The following RBFOX3 variants were observed in gnomAD, a reference collection of about 807,000 sequenced individuals.
RBFOX3 encodes the protein RNA binding protein fox-1 homolog 3.
In RBFOX3, 17 loss-of-function variants were observed where a neutral mutation model predicts 48.7. The ratio of observed to expected loss-of-function variants is 0.35; its 90% CI spans 0.24 to 0.52. The LOEUF is 0.52. Ranked by LOEUF, RBFOX3 falls within the 20% of genes least tolerant of loss-of-function variation. The pLI is 0.94. For missense variants in RBFOX3, 382 were observed against 497.5 expected (o/e 0.77, Z 2.21); for synonymous variants, 212 against 209.5 (o/e 1.01, Z -0.10).
At chr17:79,305,961 G>A (rs988801643) in intron 3 of RBFOX3, among the ~76,000 whole-genome samples, 3 of 152,206 alleles carry the variant, frequency 2.0e-5, no homozygotes, top group Non-Finnish European at 2.9e-5. Context: ...GATGGAGGCT[G>A]CCCAGACTCT....
intron 2 of RBFOX3, among the ~76,000 whole-genome samples, chr17:79,341,784 G>A (rs181738482): frequency 2.0e-4 from 30 of 152,286 alleles, no homozygotes; most frequent in African/African-American, 6.5e-4. Flanking sequence ...GAGGAGTGGC[G>A]AGCCTGTCTG....
rs1599477874 is a variant in RBFOX3, at chr17:79,111,893, G to A, written c.222+3601C>T. 6.6e-6 allele frequency among the ~76,000 whole-genome samples: 1 copy of A among 152,212 alleles called. No homozygotes were observed. Among genetic ancestry groups the A allele is most frequent in the Non-Finnish European group, 1.5e-5 (1 of 68,038 alleles). The stretch of plus-strand genomic sequence containing the variant: ...TCAAGGTAGTGAGATGGGGTCCCCC[G>A]GTCCTTCCGCAGCCCCTCATCGCAC... On this transcript the variant is annotated intron_variant, in intron 5 of 14. Coordinates refer to ENST00000693108, the MANE Select transcript of RBFOX3 (RefSeq NM_001350451.2). This position sits in a 1 kb window ranked among gnomAD's most constrained non-coding sequence, Gnocchi z 4.2.
chr17:79,157,585 G>A (rs2046105199), intron 4 of RBFOX3, among the ~76,000 whole-genome samples: 1 of 152,166 alleles, frequency 6.6e-6, no homozygotes, highest in East Asian at 1.9e-4. Flanking sequence ...TACAGGGGCC[G>A]GGTTTCCCTA....
intron 4 of RBFOX3, among the ~76,000 whole-genome samples, chr17:79,164,641 C>T (rs772762399): frequency 3.9e-5 from 6 of 152,208 alleles, no homozygotes; most frequent in Non-Finnish European, 2.9e-5. Context: ...CAAAAGTGCA[C>T]GCATTCCTCG....
chr17:79,621,359 TG>T, the RBFOX3 span, among the ~76,000 whole-genome samples: 56 of 152,280 alleles, frequency 3.7e-4, no homozygotes, highest in African/African-American at 1.2e-3. Context: ...TGATCCAAGC[TG>T]GGGGAAACCG....
intron 3 of RBFOX3, among the ~76,000 whole-genome samples, chr17:79,281,373 G>C (rs974074621): frequency 2.0e-5 from 3 of 151,688 alleles, no homozygotes; most frequent in Non-Finnish European, 4.4e-5. Context: ...GGTTAGCTTA[G>C]AGAAGACTAT....
chr17:79,181,882 T>A lies in RBFOX3; in HGVS notation c.-34+53884A>T, dbSNP rs193117215. Among the ~76,000 whole-genome samples, 29 of 152,102 alleles carry A rather than the reference T, an allele frequency of 1.9e-4. No individual in the cohort carries two copies. In the East Asian group the frequency reaches 3.3e-3, roughly 17 times the overall value. ...CCTTAAACCACCTTCTATAGCTCCTTGGAGGGCCAAGGGGCACAAACGGGT... is the reference window on the plus strand; with the variant it reads ...CCTTAAACCACCTTCTATAGCTCCTAGGAGGGCCAAGGGGCACAAACGGGT... On this transcript the variant is annotated intron_variant, in intron 4 of 14. Coordinates refer to ENST00000693108, the MANE Select transcript of RBFOX3 (RefSeq NM_001350451.2).
chr17:79,550,391 G>C (rs1244912137), intron 1 of RBFOX3, among the ~76,000 whole-genome samples: 1 of 152,122 alleles, frequency 6.6e-6, no homozygotes, highest in Non-Finnish European at 1.5e-5. Context: ...CAGTAAAAGG[G>C]GGCCCAGACA....
chr17:79,397,746 C>A (rs1482933050), intron 2 of RBFOX3, among the ~76,000 whole-genome samples: 1 of 152,100 alleles, frequency 6.6e-6, no homozygotes, highest in Admixed American at 6.5e-5. Context: ...CCTGTTACCA[C>A]CCCCGGGAGG....
chr17:79,481,302 G>T lies in RBFOX3; in HGVS notation c.-175+1152C>A, dbSNP rs1441550034. On this transcript the variant is annotated intron_variant, in intron 2 of 14. Coordinates refer to ENST00000693108, the MANE Select transcript of RBFOX3 (RefSeq NM_001350451.2). The surrounding 1 kb of genome is among the most constrained non-coding windows in gnomAD (Gnocchi z 5.4). ...GGGCTCCAGTCCTCCCTGCCTGGGGGTCGCTGACCCACAGCTTTGCATTGT... is the reference window on the plus strand; with the variant it reads ...GGGCTCCAGTCCTCCCTGCCTGGGGTTCGCTGACCCACAGCTTTGCATTGT... Among the ~76,000 whole-genome samples the T allele has an allele frequency of 1.3e-5, 2 of 152,138 alleles. No individual in the cohort carries two copies. Among genetic ancestry groups the T allele is most frequent in the African/African-American group, 2.4e-5 (1 of 41,424 alleles).
Position 79,103,095 on chromosome 17 carries a change from T to G in RBFOX3, c.507+67A>C. 1 of 1,206,440 alleles carries G rather than the reference T, an allele frequency of 8.3e-7. No homozygotes were observed. The highest frequency in any genetic ancestry group is 1.2e-6 in the Non-Finnish European group (1 of 837,824). 74.7% of individuals were successfully genotyped at this position (1,206,440 alleles called of 1,614,324 possible). On this transcript the variant is annotated intron_variant, in intron 8 of 14. Transcript: ENST00000693108. The surrounding 1 kb of genome is among the most constrained non-coding windows in gnomAD (Gnocchi z 6.1). ...GTGCGGCAGTGGCAGGGCTGGTTGG[T>G]TGGGGGAGCTGGGGGGCAGGTGGGC... is the stretch of plus-strand genomic sequence containing the variant.
chr17:79,310,581 G>A (rs2076709247), intron 2 of RBFOX3, among the ~76,000 whole-genome samples: 1 of 151,888 alleles, frequency 6.6e-6, no homozygotes, highest in Non-Finnish European at 1.5e-5. Context: ...TTTCCCCACT[G>A]CTGAGGGTCC....
intron 4 of RBFOX3, among the ~76,000 whole-genome samples, chr17:79,211,936 G>A (rs1328275761): frequency 6.6e-6 from 1 of 152,104 alleles, no homozygotes; most frequent in Non-Finnish European, 1.5e-5. Flanking sequence ...ACGTGGGGGG[G>A]AACAAGACAG....
intron 1 of RBFOX3, among the ~76,000 whole-genome samples, chr17:79,568,606 T>C (rs1222429800): frequency 6.6e-6 from 1 of 152,092 alleles, no homozygotes; most frequent in East Asian, 1.9e-4. Flanking sequence ...CTTCAATGTT[T>C]CTCCAGTGCT....
intron 1 of RBFOX3, among the ~76,000 whole-genome samples, chr17:79,534,354 C>T (rs1297813724): frequency 2.6e-5 from 4 of 152,166 alleles, no homozygotes; most frequent in African/African-American, 4.8e-5. Flanking sequence ...TTGCAGTCAT[C>T]GGAACATTGT....
chr17:79,233,456 C>G (rs904838778), intron 4 of RBFOX3, among the ~76,000 whole-genome samples: 1 of 152,064 alleles, frequency 6.6e-6, no homozygotes, highest in Non-Finnish European at 1.5e-5. Flanking sequence ...CATGGGTATA[C>G]ATATATATCA....
intron 1 of RBFOX3, among the ~76,000 whole-genome samples, chr17:79,608,811 C>A (rs2093898399): frequency 6.6e-6 from 1 of 152,150 alleles, no homozygotes; most frequent in African/African-American, 2.4e-5. Context: ...GGCCTCCAGT[C>A]CTGGGGGAGG....
chr17:79,446,343 G>A (rs907257658), intron 2 of RBFOX3, among the ~76,000 whole-genome samples: 5 of 152,180 alleles, frequency 3.3e-5, no homozygotes, highest in African/African-American at 4.8e-5. Flanking sequence ...CAGCAATGCG[G>A]CAGACCCCTG....
rs2077928181 is a variant in RBFOX3 at position 79,477,147 on chromosome 17, C to T, written c.-175+5307G>A. 6.8e-6 allele frequency among the ~76,000 whole-genome samples: 1 copy of T among 147,024 alleles called. No homozygotes were observed. Among genetic ancestry groups the T allele is most frequent in the Non-Finnish European group, 1.5e-5 (1 of 66,716 alleles). ...ACTCGGGAAGCTGAGGCAGGAGAATCTCTTAAACCCAGGAGGTAGAGGTTG... is the reference window on the plus strand; with the variant it reads ...ACTCGGGAAGCTGAGGCAGGAGAATTTCTTAAACCCAGGAGGTAGAGGTTG... On this transcript the variant is annotated intron_variant, in intron 2 of 14. Coordinates refer to ENST00000693108, the MANE Select transcript of RBFOX3 (RefSeq NM_001350451.2). The surrounding 1 kb of genome is among the most constrained non-coding windows in gnomAD (Gnocchi z 4.8).
Sources: gnomAD v4.1 joint callset for allele counts (sites outside exome capture counted in the v4.1 genomes callset) on GRCh38, gnomAD v4.1.1 for gene constraint, Gnocchi (gnomAD v3.1) non-coding constraint, MANE v1.5 for transcripts, NCBI Gene and HGNC (gene_info 2026-07-23, HGNC 2026-07-21) for gene names.